ACBD3: variants seen among roughly 807,000 people sequenced by gnomAD.
The protein encoded by ACBD3 is acyl-CoA binding domain containing 3, also known as Golgi resident protein GCP60.
Under a neutral mutation model 66.9 loss-of-function variants are expected in ACBD3, and 30 were observed. The observed-to-expected ratio is 0.45, with a 90% CI of 0.34 to 0.61. ACBD3 has a LOEUF of 0.61. Among genes scored for constraint, ACBD3 ranks in the 20% least tolerant of loss-of-function variants. ACBD3 has a pLI of 0.02. For missense variants in ACBD3, 544 were observed against 664.5 expected (o/e 0.82, Z 1.99); for synonymous variants, 278 against 259.8 (o/e 1.07, Z -0.68).
chr1:226,160,418 T>C (rs962825285), intron 4 of ACBD3, among the ~76,000 whole-genome samples: 2 of 152,200 alleles, frequency 1.3e-5, no homozygotes, highest in South Asian at 2.1e-4. Context: ...AACTTACTTA[T>C]GTGACCAACT....
At chr1:226,154,544 T>C (rs1176704248) in intron 6 of ACBD3, 103 bp downstream of exon 6, 5 of 1,331,536 alleles carry the variant, frequency 3.8e-6, no homozygotes, top group Non-Finnish European at 5.1e-6. Context: ...CTCTCACAAA[T>C]ATGTAATTGT....
intron 1 of ACBD3, among the ~76,000 whole-genome samples, chr1:226,168,288 G>A (rs897412660): frequency 3.9e-5 from 6 of 152,094 alleles, no homozygotes; most frequent in Admixed American, 3.9e-4. Context: ...TTAACCCCGG[G>A]TATCTGAAAG....
At chr1:226,148,560 A>G (rs1189868039) in intron 7 of ACBD3, among the ~76,000 whole-genome samples, 1 of 152,200 alleles carries the variant, frequency 6.6e-6, no homozygotes, top group Non-Finnish European at 1.5e-5. Flanking sequence ...TTTGTTTTAA[A>G]TCTATAAAAC....
chr1:226,161,146 C>T (rs1371971463), intron 4 of ACBD3, among the ~76,000 whole-genome samples: 1 of 134,266 alleles, frequency 7.4e-6, no homozygotes, highest in African/African-American at 2.8e-5. Context: ...TAATACATTC[C>T]TTTTTTTTTT....
rs954211516 is a variant in ACBD3, at chr1:226,181,563, G to C, written c.286+4827C>G. Among the ~76,000 whole-genome samples, 85 of 152,294 alleles carry C rather than the reference G, an allele frequency of 5.6e-4. No homozygotes were observed. The Middle Eastern group carries it at 0.01, about 18-fold the overall frequency. ...TACCTTCCAAATAACTGAGGGGCCT[G>C]AGGCAGGATCCTTAACTCAGAAATG... On this transcript the variant is annotated intron_variant, in intron 1 of 7. Coordinates refer to ENST00000366812, the MANE Select transcript of ACBD3 (RefSeq NM_022735.4).
chr1:226,183,730 C>G (rs1043295430), intron 1 of ACBD3, among the ~76,000 whole-genome samples: 1 of 151,788 alleles, frequency 6.6e-6, no homozygotes, highest in African/African-American at 2.4e-5. Context: ...ACTAGAAATA[C>G]AAAAGTACCT....
intron 3 of ACBD3, among the ~76,000 whole-genome samples, chr1:226,162,268 GA>G (rs570558123): frequency 3.6e-4 from 51 of 140,950 alleles, no homozygotes; most frequent in African/African-American, 4.2e-4. Context: ...CTTGCTTAAT[GA>G]AAAAAAAAAA....
chr1:226,171,906 G>A (rs1325785299), intron 1 of ACBD3, among the ~76,000 whole-genome samples: 1 of 151,632 alleles, frequency 6.6e-6, no homozygotes, highest in Non-Finnish European at 1.5e-5. Flanking sequence ...CTGTAATCCC[G>A]GCACTTTGGG....
At chr1:226,161,332 G>A (rs1659769386) in intron 4 of ACBD3, among the ~76,000 whole-genome samples, 199 bp downstream of exon 4, 1 of 151,954 alleles carries the variant, frequency 6.6e-6, no homozygotes, top group African/African-American at 2.4e-5. Context: ...TAGAAACAGG[G>A]TTTCACTGTG....
intron 1 of ACBD3, among the ~76,000 whole-genome samples, chr1:226,170,020 C>CAAAAAAAA: frequency 1.3e-5 from 1 of 74,956 alleles, no homozygotes; most frequent in Non-Finnish European, 2.5e-5. Context: ...GATTCCATCT[C>CAAAAAAAA]AAAAAAAAAA....
rs144318667 is a variant in ACBD3, at chr1:226,147,286, A to G, written c.1376-465T>C. 4.4e-3 allele frequency among the ~76,000 whole-genome samples: 667 copies of G among 152,356 alleles called. 3 individuals carry two copies. Among genetic ancestry groups the G allele is most frequent in the Non-Finnish European group, 7.1e-3 (485 of 68,040 alleles). On this transcript the variant is annotated intron_variant, in intron 7 of 7. Transcript: ENST00000366812. ...CATTTATTAGTTCGTTCATTCATTC[A>G]TTCATTCACTCATTCATTCAAATAC... is the stretch of plus-strand genomic sequence containing the variant.
intron 7 of ACBD3, among the ~76,000 whole-genome samples, chr1:226,147,552 C>T (rs1216799236): frequency 6.6e-6 from 1 of 152,112 alleles, no homozygotes; most frequent in African/African-American, 2.4e-5. Flanking sequence ...ATGAGTCCTC[C>T]CCATTTTAGA....
Position 226,154,806 on chromosome 1 carries a change from C to T in ACBD3, c.931G>A (p.Val311Ile). ...QAALQKQQEV[V>I]VAGSSLPTSS... ...GTAGGCAAGGAAGACCCAGCCACTACTACTTCCTGTTGTTTCTGTAATGCT... is the reference window on the plus strand; with the variant it reads ...GTAGGCAAGGAAGACCCAGCCACTATTACTTCCTGTTGTTTCTGTAATGCT... Residue 311 changes from valine (V) to isoleucine (I), a missense_variant, in exon 6 of 8, where the codon GTA becomes ATA. By Grantham distance (29) the Val-to-Ile change is conservative. Transcript: ENST00000366812. 4 of 1,610,518 alleles carry T rather than the reference C, an allele frequency of 2.5e-6. No individual in the cohort carries two copies. The highest frequency in any genetic ancestry group is 3.4e-6 in the Non-Finnish European group (4 of 1,178,210).
intron 5 of ACBD3, among the ~76,000 whole-genome samples, chr1:226,156,615 T>C (rs1659676546): frequency 6.6e-6 from 1 of 152,212 alleles, no homozygotes; most frequent in Admixed American, 6.5e-5. Context: ...TCATTGAATG[T>C]ATCATTTACA....
chr1:226,154,107 T>G (rs1241506704), intron 6 of ACBD3, among the ~76,000 whole-genome samples: 1 of 152,186 alleles, frequency 6.6e-6, no homozygotes, highest in Non-Finnish European at 1.5e-5. Flanking sequence ...GGAGCCTAAG[T>G]CAGAGCCATT....
At chr1:226,160,304 C>G (rs9728014) in intron 4 of ACBD3, among the ~76,000 whole-genome samples, 75,393 of 136,004 alleles carry the variant, frequency 0.55, 19,294 homozygotes, top group African/African-American at 0.67. Context: ...TGGCCAGGCT[C>G]GTTTCAAACC....
chr1:226,162,555 A>C (rs1381274167), intron 3 of ACBD3, among the ~76,000 whole-genome samples: 2 of 152,132 alleles, frequency 1.3e-5, no homozygotes, highest in East Asian at 3.8e-4. Context: ...CCCTTCCAAA[A>C]AGAACAGATC....
chr1:226,158,109 A>C (rs938264105), intron 5 of ACBD3, among the ~76,000 whole-genome samples: 1 of 152,232 alleles, frequency 6.6e-6, no homozygotes, highest in Non-Finnish European at 1.5e-5. Context: ...TCAGGATTAC[A>C]AAAAACTTGC....
chr1:226,156,456 A>G (rs1659671756), intron 5 of ACBD3, among the ~76,000 whole-genome samples: 1 of 152,202 alleles, frequency 6.6e-6, no homozygotes, highest in Admixed American at 6.5e-5. Context: ...GTTTTAAACT[A>G]AAACACTGTC....
Sources: allele counts gnomAD v4.1 joint callset (sites outside exome capture counted in the v4.1 genomes callset), GRCh38; gene constraint gnomAD v4.1.1; transcripts MANE v1.5; gene names NCBI Gene and HGNC (gene_info 2026-07-23, HGNC 2026-07-21).